The following GALNTL6 variants were observed in gnomAD, a reference collection of about 807,000 sequenced individuals.
GALNTL6 encodes polypeptide N-acetylgalactosaminyltransferase like 6.
Under a neutral mutation model 73.7 loss-of-function variants are expected in GALNTL6, and 46 were observed. The ratio of observed to expected loss-of-function variants is 0.62; its 90% CI spans 0.49 to 0.80. The LOEUF is 0.80. Ranked by LOEUF, GALNTL6 falls within the 30% of genes least tolerant of loss-of-function variation. The pLI is 0.00. For missense variants in GALNTL6, 604 were observed against 755.0 expected (o/e 0.80, Z 2.34); for synonymous variants, 259 against 263.7 (o/e 0.98, Z 0.17).
intron 2 of GALNTL6, among the ~76,000 whole-genome samples, chr4:172,135,025 T>G (rs1311784425): frequency 1.3e-5 from 2 of 152,168 alleles, no homozygotes; most frequent in African/African-American, 4.8e-5. Context: ...TACTAAACAG[T>G]GAGATCATTT....
intron 5 of GALNTL6, among the ~76,000 whole-genome samples, chr4:172,492,526 A>G (rs1328989069): frequency 6.6e-6 from 1 of 152,202 alleles, no homozygotes; most frequent in Non-Finnish European, 1.5e-5. Flanking sequence ...TTCTTAATAC[A>G]CCTGAAAGAT....
intron 5 of GALNTL6, among the ~76,000 whole-genome samples, chr4:172,472,609 C>T (rs1036091752): frequency 6.6e-6 from 1 of 151,976 alleles, no homozygotes; most frequent in Non-Finnish European, 1.5e-5. Flanking sequence ...AGATATGGGC[C>T]CTTATTCCCA....
At chr4:172,481,433 G>C (rs1167801168) in intron 5 of GALNTL6, among the ~76,000 whole-genome samples, 1 of 147,890 alleles carries the variant, frequency 6.8e-6, no homozygotes, top group Admixed American at 6.8e-5. Flanking sequence ...GGTTGTCTCT[G>C]TGGGCTTGGG....
chr4:172,216,722 A>G (rs1405300342), intron 2 of GALNTL6, among the ~76,000 whole-genome samples: 1 of 152,166 alleles, frequency 6.6e-6, no homozygotes, highest in Non-Finnish European at 1.5e-5. Flanking sequence ...ATATTTGAAG[A>G]GATTTATTTT....
chr4:172,259,697 AAG>A (rs1477504264), intron 3 of GALNTL6, among the ~76,000 whole-genome samples: 4 of 151,536 alleles, frequency 2.6e-5, no homozygotes, highest in Non-Finnish European at 4.4e-5. Flanking sequence ...CAATGTCTAG[AAG>A]AGTTTTTCCA....
At chr4:172,496,739 TA>T (rs1734084073) in intron 5 of GALNTL6, among the ~76,000 whole-genome samples, 1 of 152,130 alleles carries the variant, frequency 6.6e-6, no homozygotes, top group African/African-American at 2.4e-5. Context: ...ATATTTAATT[TA>T]AAATGGTAAC....
chr4:172,681,404 C>G (rs1732626823), intron 5 of GALNTL6, among the ~76,000 whole-genome samples: 1 of 152,036 alleles, frequency 6.6e-6, no homozygotes, highest in Non-Finnish European at 1.5e-5. Flanking sequence ...AAACCAATAT[C>G]TTAAGTCCAA....
chr4:172,788,891 T>C (rs963384348), intron 5 of GALNTL6, among the ~76,000 whole-genome samples: 1 of 152,082 alleles, frequency 6.6e-6, no homozygotes, highest in Non-Finnish European at 1.5e-5. Flanking sequence ...ATTTTGTTGA[T>C]AGGGAAAAGG....
intron 3 of GALNTL6, among the ~76,000 whole-genome samples, chr4:172,299,558 G>T (rs1185995228): frequency 6.6e-6 from 1 of 152,154 alleles, no homozygotes; most frequent in Non-Finnish European, 1.5e-5. Flanking sequence ...AGAGATTCTG[G>T]TATGTTTTGT....
chr4:172,069,978 C>T (rs1731502752), intron 2 of GALNTL6, among the ~76,000 whole-genome samples: 1 of 107,890 alleles, frequency 9.3e-6, no homozygotes, highest in East Asian at 2.1e-4. Flanking sequence ...AAAGGGTGAA[C>T]AGAGCATTGT....
At chr4:172,904,469 G>A (rs1746781542) in intron 8 of GALNTL6, among the ~76,000 whole-genome samples, 1 of 152,174 alleles carries the variant, frequency 6.6e-6, no homozygotes, top group African/African-American at 2.4e-5. Context: ...GTTATGGGAT[G>A]AGGCTGTCTC....
chr4:172,273,698 C>T (rs1738735064), intron 3 of GALNTL6, among the ~76,000 whole-genome samples: 2 of 152,086 alleles, frequency 1.3e-5, no homozygotes, highest in Non-Finnish European at 2.9e-5. Flanking sequence ...AACAGCAATG[C>T]AGTCATTGGA....
intron 5 of GALNTL6, among the ~76,000 whole-genome samples, chr4:172,700,050 T>C (rs1307738322): frequency 6.6e-6 from 1 of 152,086 alleles, no homozygotes; most frequent in Non-Finnish European, 1.5e-5. Flanking sequence ...TTATCAAAAA[T>C]TAGAGAAATT....
At chr4:172,046,322 T>A (rs2110849407) in intron 2 of GALNTL6, among the ~76,000 whole-genome samples, 1 of 152,252 alleles carries the variant, frequency 6.6e-6, no homozygotes, top group African/African-American at 2.4e-5. Context: ...ATTATTATTA[T>A]ACTTTAAGTT....
At chr4:172,292,804 G>T (rs553126592) in intron 3 of GALNTL6, among the ~76,000 whole-genome samples, 1 of 151,998 alleles carries the variant, frequency 6.6e-6, no homozygotes, top group Admixed American at 6.6e-5. Flanking sequence ...CTAATTGAAG[G>T]CCTTTCTACA....
chr4:172,963,388 A>G (rs970303344), intron 10 of GALNTL6, among the ~76,000 whole-genome samples: 3 of 152,122 alleles, frequency 2.0e-5, no homozygotes, highest in Admixed American at 6.5e-5. Context: ...TCTCCCTAGC[A>G]TCCATCACTA....
rs190252028 is a variant in GALNTL6 at position 172,395,640 on chromosome 4, A to G, written c.553+46951A>G. 1.2e-3 allele frequency among the ~76,000 whole-genome samples: 180 copies of G among 152,302 alleles called. 1 individual carries two copies. The highest frequency in any genetic ancestry group is 9.7e-4 in the Non-Finnish European group (66 of 68,004). The stretch of plus-strand genomic sequence containing the variant: ...ATTGACCATGTATATTGTGTTATCT[A>G]TAGAAGTCTGACTTAATGTAGTTCA... On this transcript the variant is annotated intron_variant, in intron 5 of 12. Transcript: ENST00000506823.
intron 5 of GALNTL6, among the ~76,000 whole-genome samples, chr4:172,524,742 A>C (rs1734896611): frequency 6.6e-6 from 1 of 152,210 alleles, no homozygotes; most frequent in Non-Finnish European, 1.5e-5. Flanking sequence ...ACATTCTCTT[A>C]ACAGTATCAT....
rs562405400 is a variant in GALNTL6 at position 171,897,858 on chromosome 4, C to T, written c.138+83140C>T. On this transcript the variant is annotated intron_variant, in intron 2 of 12. Transcript: ENST00000506823. Reference sequence around the variant, plus strand: ...CAGAGAATTGCTTGAATTCAGGAGGCGGAGGTTGTAGTGAGCCGAGATCGT... The same window carrying T: ...CAGAGAATTGCTTGAATTCAGGAGGTGGAGGTTGTAGTGAGCCGAGATCGT... Among the ~76,000 whole-genome samples, 854 of 148,224 alleles carry T rather than the reference C, an allele frequency of 5.8e-3. 10 individuals carry two copies. Among genetic ancestry groups the T allele is most frequent in the African/African-American group, 0.02 (797 of 40,330 alleles).
Sources: gnomAD v4.1 joint callset for allele counts (sites outside exome capture counted in the v4.1 genomes callset) on GRCh38, gnomAD v4.1.1 for gene constraint, MANE v1.5 for transcripts, NCBI Gene and HGNC (gene_info 2026-07-23, HGNC 2026-07-21) for gene names.